The following GNAL variants were observed in gnomAD, a reference collection of about 807,000 sequenced individuals.
GNAL encodes the protein G protein subunit alpha L, also known as guanine nucleotide-binding protein G(olf) subunit alpha.
In GNAL, 18 loss-of-function variants were observed where a neutral mutation model predicts 55.1. That is an observed-to-expected ratio of 0.33 (90% CI 0.23 to 0.48). The LOEUF (loss-of-function observed/expected upper bound fraction) is 0.48. Among genes scored for constraint, GNAL ranks in the 20% least tolerant of loss-of-function variants. The pLI, the probability that GNAL is intolerant of heterozygous loss-of-function variation, is 0.99. For missense variants in GNAL, 412 were observed against 614.1 expected (o/e 0.67, Z 3.48); for synonymous variants, 253 against 237.0 (o/e 1.07, Z -0.62).
Position 11,846,823 on chromosome 18 carries a change from C to T in GNAL, c.723-15572C>T, listed in dbSNP as rs895454655. On this transcript the variant is annotated intron_variant, in intron 5 of 11. Coordinates refer to ENST00000334049, the MANE Select transcript of GNAL (RefSeq NM_182978.4). ...CCACTGCAACCTCAAACTCCTGGGC[C>T]GCCTCATCCTCCCAAAGTGTTGTGA... 3.3e-5 allele frequency among the ~76,000 whole-genome samples: 5 copies of T among 151,796 alleles called. No homozygotes were observed. In the East Asian group the frequency reaches 7.7e-4, roughly 23 times the overall value.
At chr18:11,867,782 A>G (rs903233295) in intron 8 of GNAL, among the ~76,000 whole-genome samples, 3 of 150,558 alleles carry the variant, frequency 2.0e-5, no homozygotes, top group African/African-American at 7.4e-5. Context: ...CCACTGCAGC[A>G]GTCCGGCCTG....
intron 1 of GNAL, among the ~76,000 whole-genome samples, chr18:11,738,633 G>A (rs779892999): frequency 5.9e-5 from 9 of 152,068 alleles, no homozygotes; most frequent in Non-Finnish European, 1.2e-4. Context: ...ATTTTCACTG[G>A]AAATAGGGTT....
intron 5 of GNAL, among the ~76,000 whole-genome samples, chr18:11,855,015 G>A (rs1240736577): frequency 6.6e-6 from 1 of 151,434 alleles, no homozygotes; most frequent in African/African-American, 2.4e-5. Flanking sequence ...CCACCTCCCA[G>A]GTTCTAGCGA....
chr18:11,818,494 C>A (rs1458245544), intron 4 of GNAL, among the ~76,000 whole-genome samples: 1 of 152,132 alleles, frequency 6.6e-6, no homozygotes, highest in Admixed American at 6.5e-5. Context: ...CACTAGGTTC[C>A]CGTAAAAGGT....
chr18:11,840,461 A>G (rs931262245), intron 5 of GNAL, among the ~76,000 whole-genome samples: 2 of 152,244 alleles, frequency 1.3e-5, no homozygotes, highest in Admixed American at 6.5e-5. Context: ...GACATCCCAG[A>G]TCTCTTTTAA....
Position 11,689,393 on chromosome 18 carries a change from G to A in GNAL, c.-171G>A. The A allele has an allele frequency of 2.8e-6, 1 of 356,028 alleles. No homozygotes were observed. The highest frequency in any genetic ancestry group is 5.0e-6 in the Non-Finnish European group (1 of 199,744). The allele number at this position is 356,028 out of a possible 1,614,324, so 22.1% of individuals were successfully genotyped here. ...GGGCTGTGGCCCTCGGCCCCGGCCT[G>A]CCGCACCCCCTTCCCGCAGCTGGCG... On this transcript the variant is annotated 5_prime_UTR_variant, in exon 1 of 12. Transcript: ENST00000334049.
At chr18:11,879,770 C>G (rs150009101) in intron 11 of GNAL, among the ~76,000 whole-genome samples, 49 of 152,326 alleles carry the variant, frequency 3.2e-4, no homozygotes, top group African/African-American at 9.9e-4. Context: ...TCCCCACAAA[C>G]CATGATTCGT....
intron 1 of GNAL, among the ~76,000 whole-genome samples, chr18:11,722,224 A>G (rs2032111232): frequency 6.6e-6 from 1 of 152,238 alleles, no homozygotes; most frequent in African/African-American, 2.4e-5. Context: ...AACATGATTT[A>G]ATTAACTTAC....
At chr18:11,870,445 C>T (rs188074545) in intron 9 of GNAL, among the ~76,000 whole-genome samples, 93 of 152,138 alleles carry the variant, frequency 6.1e-4, no homozygotes, top group African/African-American at 2.0e-3. Context: ...CGCTTGAACC[C>T]GGGAGGTGGA....
At chr18:11,857,750 G>T (rs1465301182) in intron 5 of GNAL, 6 of 985,038 alleles carry the variant, frequency 6.1e-6, no homozygotes, top group Non-Finnish European at 7.2e-6. Flanking sequence ...CTTAACTCTG[G>T]CTGTGCATTA....
chr18:11,820,961 C>G (rs1330553295), intron 4 of GNAL, among the ~76,000 whole-genome samples: 2 of 152,236 alleles, frequency 1.3e-5, no homozygotes, highest in Non-Finnish European at 2.9e-5. Context: ...TCAAGCACTT[C>G]TCTGTAATTC....
rs190537962 is a variant in GNAL, at chr18:11,866,393, A to G, written c.852-775A>G. Reference sequence around the variant, plus strand: ...ATGCATTATGTTTAGGGAGGGGAGAAATCTCAGAGGCAGGGAAGCCTGCGA... The same window carrying G: ...ATGCATTATGTTTAGGGAGGGGAGAGATCTCAGAGGCAGGGAAGCCTGCGA... On this transcript the variant is annotated intron_variant, in intron 7 of 11. Transcript: ENST00000334049. Among the ~76,000 whole-genome samples, 59 of 150,504 alleles carry G rather than the reference A, an allele frequency of 3.9e-4. 5 individuals are homozygous for G. Among genetic ancestry groups the G allele is most frequent in the African/African-American group, 1.4e-3 (54 of 39,786 alleles).
chr18:11,773,330 A>T (rs2033688015), intron 4 of GNAL, among the ~76,000 whole-genome samples: 1 of 152,236 alleles, frequency 6.6e-6, no homozygotes, highest in East Asian at 1.9e-4. Flanking sequence ...AATCACCCTG[A>T]AAGATTCCTG....
intron 4 of GNAL, among the ~76,000 whole-genome samples, chr18:11,789,957 G>A (rs1296653063): frequency 2.0e-5 from 3 of 152,200 alleles, no homozygotes; most frequent in Admixed American, 6.5e-5. Flanking sequence ...CGGATTCCTT[G>A]TAAACACAGG....
chr18:11,884,754 C>A lies in GNAL; in HGVS notation c.*3619C>A, dbSNP rs748436663. The A allele has an allele frequency of 5.3e-6, 7 of 1,320,590 alleles. No individual in the cohort carries two copies. Among genetic ancestry groups the A allele is most frequent in the African/African-American group, 1.5e-5 (1 of 67,660 alleles). The allele number at this position is 1,320,590 out of a possible 1,614,324, so 81.8% of individuals were successfully genotyped here. A position where few individuals can be genotyped will look rare whatever the true frequency, so the allele number is the denominator to read the frequency against. On this transcript the variant is annotated 3_prime_UTR_variant, in exon 12 of 12. Transcript: ENST00000334049. ...CAGGTGAGGCAGGGAACGGGCCCTC[C>A]TCACCTGAGACCAAGGGGGCCCAGC...
At chr18:11,754,038 A>G (rs1238067467) in intron 4 of GNAL, 93 bp downstream of exon 4, 2 of 903,364 alleles carry the variant, frequency 2.2e-6, no homozygotes, top group Non-Finnish European at 3.6e-6. Context: ...ATACTAATTC[A>G]TTATTAACTT....
intron 4 of GNAL, among the ~76,000 whole-genome samples, chr18:11,772,846 G>T (rs1177308600): frequency 3.3e-5 from 5 of 152,196 alleles, no homozygotes; most frequent in African/African-American, 1.2e-4. Flanking sequence ...TGATATGGCA[G>T]TTTCTTACGG....
intron 5 of GNAL, among the ~76,000 whole-genome samples, chr18:11,830,472 C>T (rs1172776438): frequency 6.6e-6 from 1 of 151,948 alleles, no homozygotes; most frequent in African/African-American, 2.4e-5. Flanking sequence ...CTCTTAAAGT[C>T]ATTTATTCCA....
intron 4 of GNAL, among the ~76,000 whole-genome samples, chr18:11,761,680 A>G (rs1052537196): frequency 3.3e-5 from 5 of 152,116 alleles, no homozygotes; most frequent in Admixed American, 6.5e-5. Flanking sequence ...GTTTCTGCCC[A>G]GTTTTGCTGC....
Sources: allele counts gnomAD v4.1 joint callset (sites outside exome capture counted in the v4.1 genomes callset), GRCh38; gene constraint gnomAD v4.1.1; transcripts MANE v1.5; gene names NCBI Gene and HGNC (gene_info 2026-07-23, HGNC 2026-07-21).